Variants in SEC24B observed in about 807,000 individuals in gnomAD.
SEC24B encodes the protein protein transport protein Sec24B.
A neutral mutation model predicts 142.8 loss-of-function variants in SEC24B; 45 were observed. That is an observed-to-expected ratio of 0.32 (90% CI 0.25 to 0.40). The LOEUF (loss-of-function observed/expected upper bound fraction) is 0.40, where lower values mean the gene tolerates loss of function less well. Ranked by LOEUF, SEC24B falls within the 10% of genes least tolerant of loss-of-function variation. The probability of loss-of-function intolerance (pLI) is 1.00; values close to 1 mark genes in which losing one functional copy is unlikely to be tolerated. For missense variants in SEC24B, 1,409 were observed against 1,526.8 expected (o/e 0.92, Z 1.29); for synonymous variants, 574 against 568.2 (o/e 1.01, Z -0.15).
At chr4:109,507,769 C>T (rs1736859729) in intron 7 of SEC24B, among the ~76,000 whole-genome samples, 1 of 152,250 alleles carries the variant, frequency 6.6e-6, no homozygotes, top group Admixed American at 6.5e-5. Context: ...CTTTAGCCTC[C>T]CGAGTACCTG....
chr4:109,478,281 G>C (rs1480187840), intron 3 of SEC24B, among the ~76,000 whole-genome samples: 1 of 138,982 alleles, frequency 7.2e-6, no homozygotes, highest in East Asian at 2.0e-4. Context: ...GTGAGACTCT[G>C]TCTTAAAAAA....
At chr4:109,482,095 G>C (rs1051938201) in intron 4 of SEC24B, among the ~76,000 whole-genome samples, 1 of 152,084 alleles carries the variant, frequency 6.6e-6, no homozygotes, top group Non-Finnish European at 1.5e-5. Flanking sequence ...GAAGCTTTTG[G>C]CTGATGATTG....
chr4:109,516,775 C>A, intron 11 of SEC24B, 135 bp downstream of exon 11: 1 of 487,806 alleles, frequency 2.0e-6, no homozygotes, highest in South Asian at 4.2e-5. Flanking sequence ...ACTTATGTAC[C>A]ACAGAATAAG....
chr4:109,465,260 G>T (rs1375729850), intron 2 of SEC24B, among the ~76,000 whole-genome samples: 1 of 152,180 alleles, frequency 6.6e-6, no homozygotes, highest in African/African-American at 2.4e-5. Context: ...CCGAAATCTG[G>T]CTGTCTACCA....
At chr4:109,494,491 T>G (rs1397883630) in intron 5 of SEC24B, 124 bp from the exon 6 acceptor site, 5 of 1,246,012 alleles carry the variant, frequency 4.0e-6, no homozygotes, top group Non-Finnish European at 5.5e-6. Flanking sequence ...TGTCCAAAAT[T>G]TCTTAGAATA....
intron 6 of SEC24B, among the ~76,000 whole-genome samples, chr4:109,499,825 A>G (rs1001650543): frequency 1.3e-5 from 2 of 152,178 alleles, no homozygotes; most frequent in Non-Finnish European, 2.9e-5. Context: ...TACTCATACT[A>G]AACTTTTTAT....
rs1311055344 is a variant in SEC24B at position 109,487,129 on chromosome 4, C to T, written c.1166-4198C>T. On this transcript the variant is annotated intron_variant, in intron 4 of 23. Coordinates refer to ENST00000265175, the MANE Select transcript of SEC24B (RefSeq NM_006323.5). ...GCAGTGAGCTGAGATCACGCCACTG[C>T]ACTACAGCCTGAGTGACAAGAGTGA... 2.2e-5 allele frequency among the ~76,000 whole-genome samples: 3 copies of T among 138,292 alleles called. No individual in the cohort carries two copies. In the East Asian group the frequency reaches 6.3e-4, roughly 29 times the overall value. The allele number at this position is 138,292 out of a possible 152,430, so 90.7% of individuals were successfully genotyped here. A position where few individuals can be genotyped will look rare whatever the true frequency, so the allele number is the denominator to read the frequency against.
intron 1 of SEC24B, among the ~76,000 whole-genome samples, chr4:109,440,558 A>C (rs1482525228): frequency 1.3e-5 from 2 of 152,192 alleles, no homozygotes; most frequent in African/African-American, 2.4e-5. Context: ...ATATAGCCCA[A>C]ATTTTTGTGG....
At chr4:109,526,196 C>A in intron 16 of SEC24B, 30 bp from the exon 17 acceptor site, 2 of 1,604,810 alleles carry the variant, frequency 1.2e-6, no homozygotes, top group South Asian at 1.1e-5. Flanking sequence ...CTATTGTTAA[C>A]TTGATTTTTT....
chr4:109,497,767 T>C (rs1447333502), intron 6 of SEC24B, among the ~76,000 whole-genome samples: 3 of 152,208 alleles, frequency 2.0e-5, no homozygotes, highest in African/African-American at 7.2e-5. Context: ...AATGATGCTA[T>C]TGTGAACATT....
At chr4:109,466,943 G>A (rs187965130) in intron 2 of SEC24B, among the ~76,000 whole-genome samples, 1 of 152,120 alleles carries the variant, frequency 6.6e-6, no homozygotes, top group Admixed American at 6.5e-5. Flanking sequence ...AGACTAAAGG[G>A]GACCTTTAAA....
At chr4:109,496,808 CTGT>C (rs1318983873) in intron 6 of SEC24B, among the ~76,000 whole-genome samples, 3 of 152,182 alleles carry the variant, frequency 2.0e-5, no homozygotes, top group Admixed American at 6.5e-5. Flanking sequence ...CTTTATGGCT[CTGT>C]TGTTTCATGT....
At position 109,532,655 on chromosome 4, in the gene SEC24B, A is replaced by C. The variant is rs762004040; in HGVS notation, c.3407A>C (p.Asn1136Thr). Residue 1136 changes from asparagine (N) to threonine (T), a missense_variant, in exon 21 of 24, where the codon AAT (asparagine) becomes ACT (threonine). Asn to Thr is a moderately conservative substitution (Grantham distance 65). This residue lies in a region of SEC24B where 700 missense variants were observed against 853.3 expected (regional missense o/e 0.82). Transcript: ENST00000265175. ...RLTDEGAVHVNDRIVPQPPLQ... is the reference protein window; with the variant it reads ...RLTDEGAVHVTDRIVPQPPLQ... ...TCTTTTCAGGGTGCAGTACATGTTA[A>C]TGACAGGATTGTACCACAGCCACCT... The C allele has an allele frequency of 4.3e-6, 7 of 1,613,052 alleles. No individual in the cohort carries two copies. In the East Asian group the frequency reaches 1.3e-4, roughly 31 times the overall value.
Position 109,491,405 on chromosome 4 carries a change from C to G in SEC24B, c.1244C>G (p.Pro415Arg), listed in dbSNP as rs1735008689. The change falls in exon 5 of 24, where the codon CCA becomes CGA. Residue 415 changes from proline (P) to arginine (R), a missense_variant and splice_region_variant. By Grantham distance (103) the Pro-to-Arg change is moderately radical. Transcript: ENST00000265175. The part of the protein sequence containing the change: ...SYDALEGGSY[P>R]DMLSSSASSP... ...GATGCCCTGGAAGGAGGCAGTTACC[C>G]AGGTAATTTGTTTTGTGCTTGCTTG... 2 of 1,611,130 alleles carry G rather than the reference C, an allele frequency of 1.2e-6. No individual in the cohort carries two copies. The highest frequency in any genetic ancestry group is 1.7e-6 in the Non-Finnish European group (2 of 1,177,598).
intron 18 of SEC24B, 74 bp downstream of exon 18, chr4:109,527,506 C>A: frequency 9.3e-7 from 1 of 1,078,256 alleles, no homozygotes; most frequent in Non-Finnish European, 1.4e-6. Flanking sequence ...GGTGGCAGTG[C>A]GTCCGCCTGT....
In SEC24B at chr4:109,531,444, G is replaced by C; in HGVS notation, c.3312G>C (p.Gln1104His). The change falls in exon 20 of 24, where the codon CAG (glutamine) becomes CAC (histidine). Residue 1104 changes from glutamine to histidine, a missense_variant. Around this residue, in one of 2 missense-constraint regions of SEC24B, gnomAD observed 700 missense variants for 853.3 expected, o/e 0.82. Coordinates refer to ENST00000265175, the MANE Select transcript of SEC24B (RefSeq NM_006323.5). Reference protein sequence around the residue: ...RLDDRVYAMCQIKSQPLVHLM... With the variant: ...RLDDRVYAMCHIKSQPLVHLM... ...ATGATCGTGTATATGCCATGTGTCA[G>C]ATAAAGTCTCAGCCACTTGTTCATC... 1 of 1,612,956 alleles carries C rather than the reference G, an allele frequency of 6.2e-7. No individual in the cohort carries two copies. Among genetic ancestry groups the C allele is most frequent in the Non-Finnish European group, 8.5e-7 (1 of 1,178,932 alleles).
intron 10 of SEC24B, among the ~76,000 whole-genome samples, 158 bp downstream of exon 10, chr4:109,514,014 T>C (rs1313337393): frequency 1.3e-5 from 2 of 152,196 alleles, no homozygotes; most frequent in African/African-American, 4.8e-5. Context: ...AAAGAGAAAA[T>C]CTTTCTAAAG....
intron 1 of SEC24B, among the ~76,000 whole-genome samples, chr4:109,439,253 A>C (rs761885482): frequency 6.6e-6 from 1 of 152,176 alleles, no homozygotes; most frequent in Non-Finnish European, 1.5e-5. Flanking sequence ...CTATCGGGTC[A>C]GTCACTGGAA....
chr4:109,532,824 T>C (rs539973176), intron 21 of SEC24B, 81 bp downstream of exon 21: 92 of 686,496 alleles, frequency 1.3e-4, no homozygotes, highest in South Asian at 4.5e-4. Context: ...CCAGCTGTTA[T>C]CACAGAGCAA....
Sources: gnomAD v4.1 joint callset for allele counts (sites outside exome capture counted in the v4.1 genomes callset) on GRCh38, gnomAD v4.1.1 for gene constraint, gnomAD v4.1.1 regional missense constraint, MANE v1.5 for transcripts, NCBI Gene and HGNC (gene_info 2026-07-23, HGNC 2026-07-21) for gene names.